TMIGD3: variants seen among roughly 807,000 people sequenced by gnomAD.
The protein encoded by TMIGD3 is transmembrane and immunoglobulin domain containing 3, also known as AD026 protein (AD026).
Under a neutral mutation model 28.1 loss-of-function variants are expected in TMIGD3, and 21 were observed. That is an observed-to-expected ratio of 0.75 (90% CI 0.53 to 1.08). The LOEUF is 1.08. Among genes scored for constraint, TMIGD3 ranks in the 50% least tolerant of loss-of-function variants. The pLI, the probability that TMIGD3 is intolerant of heterozygous loss-of-function variation, is 0.00. For synonymous variants in TMIGD3, 151 were observed against 162.1 expected, an observed-to-expected ratio of 0.93 and a Z score of 0.52; for missense variants, 416 against 435.6, an observed-to-expected ratio of 0.96 and a Z score of 0.40.
intron 1 of TMIGD3, chr1:111,499,340 T>C: frequency 1.2e-6 from 1 of 838,118 alleles, no homozygotes; most frequent in Non-Finnish European, 1.4e-6. Context: ...TGCCAACACA[T>C]GGCTCCAAGT....
intron 1 of TMIGD3, among the ~76,000 whole-genome samples, chr1:111,555,917 A>G (rs1657470664): frequency 6.6e-6 from 1 of 152,218 alleles, no homozygotes; most frequent in Non-Finnish European, 1.5e-5. Flanking sequence ...GATAAATTGA[A>G]CTACATCAAA....
At chr1:111,503,760 G>T (rs1178965402), upstream of TMIGD3, 6 of 1,023,894 alleles carry the variant, frequency 5.9e-6, no homozygotes, top group East Asian at 4.2e-4. Flanking sequence ...CAGGAAGTGA[G>T]ATGGGCCAAG....
At chr1:111,489,076 C>T in intron 2 of TMIGD3, 52 bp from the exon 3 acceptor site, 2 of 1,479,936 alleles carry the variant, frequency 1.4e-6, no homozygotes, top group South Asian at 1.3e-5. Flanking sequence ...CACCATTGTT[C>T]TCTCAAAACA....
intron 1 of TMIGD3, among the ~76,000 whole-genome samples, chr1:111,522,661 C>G (rs865847885): frequency 6.6e-6 from 1 of 151,904 alleles, no homozygotes; most frequent in East Asian, 1.9e-4. Flanking sequence ...GGATTACAGG[C>G]GCGTGCCACC....
rs188116594 is a variant in TMIGD3 at position 111,525,262 on chromosome 1, G to T, written c.108-34500C>A. 1.1e-4 allele frequency among the ~76,000 whole-genome samples: 16 copies of T among 152,026 alleles called. No homozygotes were observed. In the South Asian group the frequency reaches 2.1e-3, roughly 20 times the overall value. ...CTTGTTCTAAAATTACTGAGGGAGA[G>T]GATTTAAAATTTTGACTATAATTGT... is the stretch of plus-strand genomic sequence containing the variant. On this transcript the variant is annotated intron_variant, in intron 1 of 5. Coordinates refer to the TMIGD3 transcript ENST00000369717.
chr1:111,545,702 T>C (rs1164582741), intron 1 of TMIGD3, among the ~76,000 whole-genome samples: 1 of 152,130 alleles, frequency 6.6e-6, no homozygotes, highest in Non-Finnish European at 1.5e-5. Flanking sequence ...TTACCTAATC[T>C]AAGGTCACAG....
upstream of TMIGD3, among the ~76,000 whole-genome samples, chr1:111,506,165 G>A (rs994077839): frequency 5.3e-5 from 8 of 152,224 alleles, no homozygotes; most frequent in South Asian, 1.0e-3. Flanking sequence ...TGACTTCCCC[G>A]CTTAGCCTGT....
chr1:111,513,898 G>A (rs1557830811), intron 1 of TMIGD3, among the ~76,000 whole-genome samples: 2 of 152,218 alleles, frequency 1.3e-5, no homozygotes, highest in African/African-American at 2.4e-5. Context: ...AACATCTGCA[G>A]GGAGGCAGGG....
At chr1:111,512,535 C>A (rs1016026331) in intron 1 of TMIGD3, among the ~76,000 whole-genome samples, 2 of 152,234 alleles carry the variant, frequency 1.3e-5, no homozygotes, top group Admixed American at 1.3e-4. Context: ...TACCCCTCTG[C>A]GGACTGGATG....
chr1:111,534,238 CATTGTA>C (rs1656564256), intron 1 of TMIGD3, among the ~76,000 whole-genome samples: 1 of 152,146 alleles, frequency 6.6e-6, no homozygotes, highest in Non-Finnish European at 1.5e-5. Flanking sequence ...CAACCTCATT[CATTGTA>C]ATGACAGCAC....
intron 1 of TMIGD3, among the ~76,000 whole-genome samples, chr1:111,529,878 G>C (rs1432516285): frequency 6.6e-6 from 1 of 152,014 alleles, no homozygotes; most frequent in Non-Finnish European, 1.5e-5. Flanking sequence ...TCAATGAGCT[G>C]TTGGGTACAC....
intron 1 of TMIGD3, among the ~76,000 whole-genome samples, chr1:111,522,630 C>T (rs996458656): frequency 3.9e-5 from 6 of 151,962 alleles, no homozygotes; most frequent in African/African-American, 1.5e-4. Flanking sequence ...AGTTCTCCTC[C>T]CTCAGCCTCC....
intron 3 of TMIGD3, among the ~76,000 whole-genome samples, chr1:111,486,866 A>C (rs1654402054): frequency 6.6e-6 from 1 of 151,762 alleles, no homozygotes; most frequent in Non-Finnish European, 1.5e-5. Flanking sequence ...TTTAGCCCAC[A>C]CTCTGCTTGC....
At chr1:111,500,376 C>T in intron 1 of TMIGD3, 1 of 1,614,102 alleles carries the variant, frequency 6.2e-7, no homozygotes, top group Admixed American at 1.7e-5. Flanking sequence ...TGAAGTATAC[C>T]ATGTAGTCCA....
At chr1:111,499,871 G>A (rs1655071366) in intron 1 of TMIGD3, 1 of 1,556,762 alleles carries the variant, frequency 6.4e-7, no homozygotes, top group East Asian at 2.2e-5. Context: ...AAATCCCTTG[G>A]CCCAGGCATA....
At chr1:111,549,340 T>C (rs1356658910) in intron 1 of TMIGD3, among the ~76,000 whole-genome samples, 1 of 151,602 alleles carries the variant, frequency 6.6e-6, no homozygotes, top group African/African-American at 2.4e-5. Flanking sequence ...TCTTTTTCCT[T>C]TTTTTCCCCC....
intron 1 of TMIGD3, among the ~76,000 whole-genome samples, chr1:111,523,806 C>G (rs1656159197): frequency 6.6e-6 from 1 of 151,686 alleles, no homozygotes; most frequent in Non-Finnish European, 1.5e-5. Flanking sequence ...TAGTTATGTG[C>G]CCTTTTTAAT....
chr1:111,485,943 C>T (rs959316224), intron 4 of TMIGD3, 103 bp from the exon 5 acceptor site: 5 of 860,616 alleles, frequency 5.8e-6, no homozygotes, highest in African/African-American at 5.1e-5. Flanking sequence ...GCCCACCCCC[C>T]AACCCAGTTA....
At chr1:111,490,136 G>A (rs979204009) in intron 2 of TMIGD3, among the ~76,000 whole-genome samples, 54 of 152,172 alleles carry the variant, frequency 3.5e-4, no homozygotes, top group Non-Finnish European at 1.5e-4. Flanking sequence ...AGACAGAGCT[G>A]GGAAAAGGCC....
Sources: allele counts gnomAD v4.1 joint callset (sites outside exome capture counted in the v4.1 genomes callset), GRCh38; gene constraint gnomAD v4.1.1; transcripts MANE v1.5; gene names NCBI Gene and HGNC (gene_info 2026-07-23, HGNC 2026-07-21).